PDE1C: variants seen among roughly 807,000 people sequenced by gnomAD.
PDE1C encodes dual specificity calcium/calmodulin-dependent 3',5'-cyclic nucleotide phosphodiesterase 1C.
Under a neutral mutation model 93.1 loss-of-function variants are expected in PDE1C, and 62 were observed. The ratio of observed to expected loss-of-function variants is 0.67; its 90% CI spans 0.54 to 0.82. The LOEUF is 0.82. PDE1C is among the 40% of genes least tolerant of loss of function. The pLI is 0.00. For synonymous variants in PDE1C, 325 were observed against 310.1 expected, an observed-to-expected ratio of 1.05 and a Z score of -0.50; for missense variants, 742 against 884.6, an observed-to-expected ratio of 0.84 and a Z score of 2.04.
intron 11 of PDE1C, among the ~76,000 whole-genome samples, chr7:31,835,960 G>A (rs578006047): frequency 2.6e-5 from 4 of 152,254 alleles, no homozygotes; most frequent in Admixed American, 6.5e-5. Context: ...TAGCAAAAGA[G>A]CCCATCTCTT....
chr7:31,926,007 A>T (rs1285860414), intron 2 of PDE1C, among the ~76,000 whole-genome samples: 1 of 151,604 alleles, frequency 6.6e-6, no homozygotes, highest in Non-Finnish European at 1.5e-5. Context: ...ACACAATCTC[A>T]AACAGTCTAT....
intron 1 of PDE1C, among the ~76,000 whole-genome samples, chr7:32,322,861 C>T (rs1379862639): frequency 6.6e-6 from 1 of 152,092 alleles, no homozygotes; most frequent in Non-Finnish European, 1.5e-5. Context: ...ATCCACCCTC[C>T]TTGGCCTCCC....
intron 16 of PDE1C, among the ~76,000 whole-genome samples, chr7:31,795,467 T>C (rs1426972342): frequency 6.6e-6 from 1 of 151,846 alleles, no homozygotes; most frequent in Non-Finnish European, 1.5e-5. Context: ...TTACAAAATT[T>C]TAATTCCCTC....
intron 2 of PDE1C, among the ~76,000 whole-genome samples, chr7:31,904,247 T>C (rs910985958): frequency 2.0e-5 from 3 of 152,060 alleles, no homozygotes; most frequent in Non-Finnish European, 2.9e-5. Flanking sequence ...GACTGGGCAA[T>C]AGGAAGATAA....
At chr7:31,996,933 T>C (rs1784798089) in intron 2 of PDE1C, among the ~76,000 whole-genome samples, 1 of 152,160 alleles carries the variant, frequency 6.6e-6, no homozygotes, top group Non-Finnish European at 1.5e-5. Context: ...AATCTGGCTC[T>C]GCAGTCAAGC....
At chr7:32,151,867 T>C (rs936724465) in intron 3 of PDE1C, among the ~76,000 whole-genome samples, 1 of 152,216 alleles carries the variant, frequency 6.6e-6, no homozygotes, top group African/African-American at 2.4e-5. Flanking sequence ...ATGTCACACT[T>C]AGCCAGTTGA....
In PDE1C at chr7:32,292,028, T is replaced by C. The variant is rs144300113; in HGVS notation, c.85+6623A>G. 5.5e-3 allele frequency among the ~76,000 whole-genome samples: 841 copies of C among 152,354 alleles called. 9 individuals are homozygous for C. The highest frequency in any genetic ancestry group is 6.1e-3 in the Non-Finnish European group (415 of 68,036). ...TTCTACAATGTCTACTTCAGTGTTA[T>C]GTTCAGCAAATATTTATTAACCTAC... On this transcript the variant is annotated intron_variant, in intron 1 of 18. Transcript: ENST00000396193.
intron 1 of PDE1C, among the ~76,000 whole-genome samples, chr7:32,226,689 T>C (rs142924144): frequency 6.6e-6 from 1 of 152,178 alleles, no homozygotes; most frequent in African/African-American, 2.4e-5. Flanking sequence ...TTGGAGACCA[T>C]GCCCACTGCA....
At chr7:31,898,463 T>G (rs937716838) in intron 2 of PDE1C, among the ~76,000 whole-genome samples, 69 of 152,324 alleles carry the variant, frequency 4.5e-4, no homozygotes, top group African/African-American at 1.6e-3. Context: ...TTCTCTGATA[T>G]AATTTTAATA....
intron 2 of PDE1C, among the ~76,000 whole-genome samples, chr7:32,204,548 G>A (rs4141110): frequency 0.99 from 150,525 of 152,294 alleles, 74,402 homozygotes; most frequent in Middle Eastern, 1. Flanking sequence ...CGTCTTTTAC[G>A]TCCTCTAGAG....
chr7:31,844,803 C>T (rs761969480), intron 9 of PDE1C, among the ~76,000 whole-genome samples: 1 of 152,002 alleles, frequency 6.6e-6, no homozygotes, highest in Non-Finnish European at 1.5e-5. Flanking sequence ...AATTATCCCA[C>T]ATGTCCCTAA....
intron 2 of PDE1C, among the ~76,000 whole-genome samples, chr7:31,977,382 C>A (rs1343729891): frequency 6.6e-6 from 1 of 152,178 alleles, no homozygotes; most frequent in African/African-American, 2.4e-5. Context: ...AAATAAACTT[C>A]TTTTCTTTAT....
chr7:32,069,739 C>G (rs1438431792), intron 1 of PDE1C, among the ~76,000 whole-genome samples: 1 of 152,118 alleles, frequency 6.6e-6, no homozygotes, highest in Non-Finnish European at 1.5e-5. Flanking sequence ...TTTCTGCCCC[C>G]CCTTTCTCCA....
chr7:32,150,465 T>C (rs1054127343), intron 3 of PDE1C, among the ~76,000 whole-genome samples: 6 of 152,134 alleles, frequency 3.9e-5, no homozygotes, highest in Admixed American at 2.6e-4. Context: ...CTAGGGTGCA[T>C]TGGGGTTAAA....
At chr7:32,056,742 G>C (rs972751293) in intron 1 of PDE1C, among the ~76,000 whole-genome samples, 1 of 152,096 alleles carries the variant, frequency 6.6e-6, no homozygotes, top group Non-Finnish European at 1.5e-5. Context: ...TAATTCAGTA[G>C]GTTTTCAAAA....
In PDE1C at chr7:31,753,260, C is replaced by A; in HGVS notation, c.*124G>T. The stretch of plus-strand genomic sequence containing the variant: ...AACTTTCATTTCACCTTGGTGGAGT[C>A]AACCAGGATAGTACCTGCTCCAACA... On this transcript the variant is annotated 3_prime_UTR_variant, in exon 18 of 18. Coordinates refer to ENST00000396191, the MANE Select transcript of PDE1C (RefSeq NM_001191057.4). 1 of 1,209,474 alleles carries A rather than the reference C, an allele frequency of 8.3e-7. No individual in the cohort carries two copies. Among genetic ancestry groups the A allele is most frequent in the Non-Finnish European group, 1.1e-6 (1 of 881,940 alleles). 74.9% of individuals were successfully genotyped at this position (1,209,474 alleles called of 1,614,324 possible).
At chr7:32,243,277 G>T (rs572804902) in intron 1 of PDE1C, among the ~76,000 whole-genome samples, 2 of 152,292 alleles carry the variant, frequency 1.3e-5, no homozygotes, top group South Asian at 2.1e-4. Context: ...ATAACTAGGG[G>T]GTTTCAGTCT....
chr7:32,387,629 G>C (rs576134086), intron 1 of PDE1C, among the ~76,000 whole-genome samples: 1 of 146,030 alleles, frequency 6.8e-6, no homozygotes, highest in South Asian at 2.2e-4. Flanking sequence ...CAGGCGGGGG[G>C]CTGATCCCCC....
At chr7:31,654,676 G>T in the PDE1C span, among the ~76,000 whole-genome samples, 1 of 152,152 alleles carries the variant, frequency 6.6e-6, no homozygotes, top group Admixed American at 6.5e-5. Context: ...GCACACAAAG[G>T]CCAGAGGCAC....
Sources: allele counts gnomAD v4.1 joint callset (sites outside exome capture counted in the v4.1 genomes callset), GRCh38; gene constraint gnomAD v4.1.1; transcripts MANE v1.5; gene names NCBI Gene and HGNC (gene_info 2026-07-23, HGNC 2026-07-21).